Variants in ADAMTSL2 observed in about 807,000 individuals in gnomAD.
ADAMTSL2 encodes the protein ADAMTS-like protein 2.
A neutral mutation model predicts 117.0 loss-of-function variants in ADAMTSL2; 55 were observed. The observed-to-expected ratio is 0.47, with a 90% CI of 0.38 to 0.59. The LOEUF is 0.59. ADAMTSL2 is among the 20% of genes least tolerant of loss of function. The pLI, the probability that ADAMTSL2 is intolerant of heterozygous loss-of-function variation, is 0.00. For missense variants in ADAMTSL2, 1,182 were observed against 1,354.5 expected (o/e 0.87, Z 2.00); for synonymous variants, 572 against 566.4 (o/e 1.01, Z -0.14).
At chr9:133,565,847 A>G (rs987855482) in intron 12 of ADAMTSL2, among the ~76,000 whole-genome samples, 19 of 150,872 alleles carry the variant, frequency 1.3e-4, no homozygotes, top group Non-Finnish European at 2.4e-4. Flanking sequence ...GGCCACACAC[A>G]CACACACACA....
chr9:133,547,619 C>G (rs1830383184), intron 9 of ADAMTSL2, among the ~76,000 whole-genome samples: 1 of 152,214 alleles, frequency 6.6e-6, no homozygotes, highest in Admixed American at 6.5e-5. Context: ...ATTTCCTGCC[C>G]TTTGGGAAGT....
chr9:133,558,534 G>A lies in ADAMTSL2; in HGVS notation c.1649+2604G>A, dbSNP rs370628720. ...CGCGGAGTCCCTCTCCGCAGCCTTG[G>A]GGGGAGAGAAGAACAGAGCACTTTC... On this transcript the variant is annotated intron_variant, in intron 11 of 18. Transcript: ENST00000651351. This position sits in a 1 kb window ranked among gnomAD's most constrained non-coding sequence, Gnocchi z 4.3. 1.2e-3 allele frequency among the ~76,000 whole-genome samples: 190 copies of A among 152,328 alleles called. 1 individual carries two copies. The East Asian group carries it at 0.032, about 26-fold the overall frequency.
upstream of ADAMTSL2, among the ~76,000 whole-genome samples, chr9:133,533,406 C>T (rs906678122): frequency 4.6e-5 from 7 of 152,298 alleles, no homozygotes; most frequent in Middle Eastern, 6.8e-3. Context: ...GAAACTTAAA[C>T]AACCCGGCAG....
rs1289487313 is a variant in ADAMTSL2 at position 133,568,576 on chromosome 9, C to A, written c.2089-27C>A. Reference sequence around the variant, plus strand: ...GGTGGCTACACCTGTGTCACACCCCCCCTGCCCCCTCCCCCTGCCGCCCCA... The same window carrying A: ...GGTGGCTACACCTGTGTCACACCCCACCTGCCCCCTCCCCCTGCCGCCCCA... On this transcript the variant is annotated intron_variant, in intron 14 of 18. Transcript: ENST00000651351. The A allele has an allele frequency of 1.9e-6, 3 of 1,555,376 alleles. No homozygotes were observed. In the African/African-American group the frequency reaches 4.1e-5, roughly 21 times the overall value.
chr9:133,568,192 C>T lies in ADAMTSL2; in HGVS notation c.1875-81C>T, dbSNP rs959937061. The T allele has an allele frequency of 1.8e-4, 256 of 1,411,750 alleles. No individual in the cohort carries two copies. In the Admixed American group the frequency reaches 2.3e-3, roughly 12 times the overall value. The allele number at this position is 1,411,750 out of a possible 1,614,324, so 87.5% of individuals were successfully genotyped here. On this transcript the variant is annotated intron_variant, in intron 13 of 18. Coordinates refer to ENST00000651351, the MANE Select transcript of ADAMTSL2 (RefSeq NM_014694.4). ...ACATAGGGGAGGAAGGGAGGAGCCG[C>T]GTTGTCTCTGGGGGTGTGGGTTGCA...
chr9:133,573,869 G>A lies in ADAMTSL2; in HGVS notation c.2619G>A (p.Val873=). The A allele has an allele frequency of 6.2e-7, 1 of 1,614,108 alleles. No individual in the cohort carries two copies. The highest frequency in any genetic ancestry group is 8.5e-7 in the Non-Finnish European group (1 of 1,180,022). The change falls in exon 18 of 19, where the codon GTG becomes GTA. Residue 873 remains valine, a synonymous_variant. Coordinates refer to ENST00000651351, the MANE Select transcript of ADAMTSL2 (RefSeq NM_014694.4). ...GCACCAAGACCTGCGGGGTGGGCGTGAGGATGCGAGACGTCAAGTGCTACC... is the reference window on the plus strand; with the variant it reads ...GCACCAAGACCTGCGGGGTGGGCGTAAGGATGCGAGACGTCAAGTGCTACC... ...SECTKTCGVG[V]RMRDVKCYQG...
At chr9:133,552,372 G>A (rs1203466768) in intron 9 of ADAMTSL2, among the ~76,000 whole-genome samples, 5 of 152,264 alleles carry the variant, frequency 3.3e-5, no homozygotes, top group African/African-American at 1.2e-4. Flanking sequence ...GCTTTACCAA[G>A]ACCTCTGGCA....
intron 12 of ADAMTSL2, 116 bp downstream of exon 12, chr9:133,561,411 C>G: frequency 4.3e-6 from 4 of 940,492 alleles, no homozygotes; most frequent in Non-Finnish European, 6.7e-6. Context: ...CCTCGGGGTG[C>G]TTGTCCGTGG....
rs1403295347 is a variant in ADAMTSL2 at position 133,555,890 on chromosome 9, A to C, written c.1609A>C (p.Ser537Arg). 5 of 1,612,950 alleles carry C rather than the reference A, an allele frequency of 3.1e-6. No homozygotes were observed. The highest frequency in any genetic ancestry group is 4.2e-6 in the Non-Finnish European group (5 of 1,179,960). ...SEAPFPNVST[S>R]LLTSAGNRTH... ...GGCCCCATTCCCCAACGTTAGCACC[A>C]GCCTGCTCACCTCGGCCGGGAACAG... The change falls in exon 11 of 19, where the codon AGC becomes CGC. Residue 537 changes from serine to arginine, a missense_variant. Ser to Arg is a moderately radical substitution (Grantham distance 110, BLOSUM62 -1). This residue lies in a region of ADAMTSL2 where 345 missense variants were observed against 325.8 expected (regional missense o/e 1.06). Transcript: ENST00000651351.
chr9:133,575,412 G>T lies in ADAMTSL2; in HGVS notation c.*548G>T, dbSNP rs1831208759. 6.1e-6 allele frequency: 1 copy of T among 164,770 alleles called. No homozygotes were observed. The highest frequency in any genetic ancestry group is 2.4e-5 in the African/African-American group (1 of 41,748). The allele number at this position is 164,770 out of a possible 1,614,324, so 10.2% of individuals were successfully genotyped here. On this transcript the variant is annotated 3_prime_UTR_variant, in exon 19 of 19. Transcript: ENST00000651351. ...CTTCCCGCCGCACTTTCTACCCCGG[G>T]CAGAGGCGCTTGCCCACGGGACGTT... is the stretch of plus-strand genomic sequence containing the variant.
chr9:133,568,880 C>A, intron 15 of ADAMTSL2, 122 bp downstream of exon 15: 1 of 1,274,626 alleles, frequency 7.8e-7, no homozygotes, highest in Non-Finnish European at 1.1e-6. Flanking sequence ...GAATGTCCAA[C>A]CAGCCTTCTC....
chr9:133,573,357 T>C (rs2131191245), intron 17 of ADAMTSL2, among the ~76,000 whole-genome samples: 1 of 152,274 alleles, frequency 6.6e-6, no homozygotes, highest in African/African-American at 2.4e-5. Flanking sequence ...CTTCGCGAGA[T>C]GCATTTGATC....
At position 133,572,080 on chromosome 9, in the gene ADAMTSL2, C is replaced by A. The variant is rs376212952; in HGVS notation, c.2592+1573C>A. On this transcript the variant is annotated intron_variant, in intron 17 of 18. Transcript: ENST00000651351. ...AGCGAGCTGGGGACCCCAGTGCGGCCCTGCTCAGAGATTGGGGTCCAGGCC... is the reference window on the plus strand; with the variant it reads ...AGCGAGCTGGGGACCCCAGTGCGGCACTGCTCAGAGATTGGGGTCCAGGCC... Among the ~76,000 whole-genome samples, 4 of 152,210 alleles carry A rather than the reference C, an allele frequency of 2.6e-5. No individual in the cohort carries two copies. In the South Asian group the frequency reaches 6.2e-4, roughly 24 times the overall value.
chr9:133,555,681 C>T lies in ADAMTSL2; in HGVS notation c.1400C>T (p.Ser467Phe). The part of the protein sequence containing the change: ...AISDQLLGAG[S>F]DLKDFTLNET... ...TCTGACCAGCTGCTGGGCGCAGGCTCTGACTTGAAGGACTTCACCCTCAAT... is the reference window on the plus strand; with the variant it reads ...TCTGACCAGCTGCTGGGCGCAGGCTTTGACTTGAAGGACTTCACCCTCAAT... Residue 467 changes from serine to phenylalanine, a missense_variant, in exon 11 of 19, where the codon TCT becomes TTT. Physicochemically the swap from Ser to Phe is radical, Grantham distance 155 (BLOSUM62 -2). Coordinates refer to ENST00000651351, the MANE Select transcript of ADAMTSL2 (RefSeq NM_014694.4). 1 of 1,613,888 alleles carries T rather than the reference C, an allele frequency of 6.2e-7. No individual in the cohort carries two copies. The highest frequency in any genetic ancestry group is 1.3e-5 in the African/African-American group (1 of 75,078).
At chr9:133,541,308 A>C (rs796853568) in intron 7 of ADAMTSL2, among the ~76,000 whole-genome samples, 6 of 127,492 alleles carry the variant, frequency 4.7e-5, no homozygotes, top group African/African-American at 1.6e-4. Flanking sequence ...TTTTTTTTTG[A>C]GACAGAGTCT....
intron 17 of ADAMTSL2, among the ~76,000 whole-genome samples, chr9:133,572,029 G>T (rs2131188082): frequency 6.6e-6 from 1 of 152,258 alleles, no homozygotes; most frequent in African/African-American, 2.4e-5. Flanking sequence ...ATGAGTTCAA[G>T]GCAGAGAGTC....
rs1048937531 is a variant in ADAMTSL2, at chr9:133,568,412, G to C, written c.2014G>C (p.Val672Leu). The C allele has an allele frequency of 1.9e-6, 3 of 1,607,932 alleles. No individual in the cohort carries two copies. Among genetic ancestry groups the C allele is most frequent in the African/African-American group, 2.7e-5 (2 of 74,898 alleles). ...YSDLCEAAEAVRPEERKTCRN... is the reference protein window; with the variant it reads ...YSDLCEAAEALRPEERKTCRN... ...CGACCTGTGCGAGGCAGCCGAGGCC[G>C]TGCGGCCCGAGGAACGCAAGACCTG... The change falls in exon 14 of 19, where the codon GTG becomes CTG. Residue 672 changes from valine (V) to leucine (L), a missense_variant. Physicochemically the swap from Val to Leu is conservative, Grantham distance 32. Around this residue, in one of 3 missense-constraint regions of ADAMTSL2, gnomAD observed 465 missense variants for 565.3 expected, o/e 0.82. Coordinates refer to ENST00000651351, the MANE Select transcript of ADAMTSL2 (RefSeq NM_014694.4).
In ADAMTSL2 at chr9:133,538,351, G is replaced by A. The variant is rs368517223; in HGVS notation, c.236G>A (p.Arg79Lys). 6.2e-6 allele frequency: 10 copies of A among 1,613,304 alleles called. No individual in the cohort carries two copies. Among genetic ancestry groups the A allele is most frequent in the African/African-American group, 2.7e-5 (2 of 74,946 alleles). Reference sequence around the variant, plus strand: ...CCGAGCCTGCATCTTTCTGCCAGGAGGAAGTCCGTCCCGGGCCCCGGGAAC... The same window carrying A: ...CCGAGCCTGCATCTTTCTGCCAGGAAGAAGTCCGTCCCGGGCCCCGGGAAC... ...SQERHCLQQRRKSVPGPGNRT... is the reference protein window; with the variant it reads ...SQERHCLQQRKKSVPGPGNRT... The change falls in exon 4 of 19, where the codon AGG (arginine) becomes AAG (lysine). Residue 79 changes from arginine (R) to lysine (K), a missense_variant and splice_region_variant. This residue lies in a region of ADAMTSL2 where 372 missense variants were observed against 463.4 expected (regional missense o/e 0.80). Transcript: ENST00000651351.
intron 5 of ADAMTSL2, among the ~76,000 whole-genome samples, chr9:133,540,286 G>C (rs76615670): frequency 1.3e-5 from 2 of 152,208 alleles, no homozygotes; most frequent in Admixed American, 1.3e-4. Flanking sequence ...GCCAGGGCTG[G>C]GGTGCCCAGG....
Sources: allele counts gnomAD v4.1 joint callset (sites outside exome capture counted in the v4.1 genomes callset), GRCh38; gene constraint gnomAD v4.1.1; regional missense constraint gnomAD v4.1.1; non-coding constraint Gnocchi (gnomAD v3.1); transcripts MANE v1.5; gene names NCBI Gene and HGNC (gene_info 2026-07-23, HGNC 2026-07-21).